The following SPTBN5 variants were observed in gnomAD, a reference collection of about 807,000 sequenced individuals.
The protein encoded by SPTBN5 is spectrin beta chain, non-erythrocytic 5.
In SPTBN5, 513 loss-of-function variants were observed where a neutral mutation model predicts 477.6. The ratio of observed to expected loss-of-function variants is 1.07; its 90% CI spans 1.00 to 1.16. The LOEUF (loss-of-function observed/expected upper bound fraction) is 1.16. Among genes scored for constraint, SPTBN5 ranks in the 50% most tolerant of loss-of-function variants. The probability of loss-of-function intolerance (pLI) is 0.00; values close to 1 mark genes in which losing one functional copy is unlikely to be tolerated. For synonymous variants in SPTBN5, 2,169 were observed against 2,011.7 expected, an observed-to-expected ratio of 1.08 and a Z score of -2.09; for missense variants, 5,062 against 4,731.8, an observed-to-expected ratio of 1.07 and a Z score of -2.05.
Position 41,851,358 on chromosome 15 carries a change from G to C in SPTBN5, c.10668C>G (p.Ser3556Arg). 2.6e-6 allele frequency: 4 copies of C among 1,550,896 alleles called. No individual in the cohort carries two copies. Among genetic ancestry groups the C allele is most frequent in the Non-Finnish European group, 3.5e-6 (4 of 1,146,958 alleles). The change falls in exon 64 of 68, where the codon AGC (serine) becomes AGG (arginine). Residue 3556 changes from serine to arginine, a missense_variant. By Grantham distance (110) the Ser-to-Arg change is moderately radical. Transcript: ENST00000320955. ...LLPGGRQPSS[S>R]SWDSCRGNLQ... ...AGTTCCCGCGGCAGCTGTCCCAGGA[G>C]CTCGAGCTAGGCTGTGGAGAGGAGG...
At position 41,854,671 on chromosome 15, in the gene SPTBN5, G is replaced by A. The variant is rs2065879495; in HGVS notation, c.9618+111C>T. 5.3e-6 allele frequency: 5 copies of A among 940,900 alleles called. No individual in the cohort carries two copies. In the East Asian group the frequency reaches 1.1e-4, roughly 20 times the overall value. 58.3% of individuals were successfully genotyped at this position (940,900 alleles called of 1,614,324 possible). On this transcript the variant is annotated intron_variant, in intron 56 of 67. Transcript: ENST00000320955. ...GAGGGAAAAGGCACATTCACTTGAG[G>A]CCAGCAGGGTGTGTGTCTTGTTGGA...
rs755390433 is a variant in SPTBN5 at position 41,860,743 on chromosome 15, T to C, written c.7831A>G (p.Met2611Val). The change falls in exon 47 of 68, where the codon ATG becomes GTG. Residue 2611 changes from methionine to valine, a missense_variant. Met to Val is a conservative substitution (Grantham distance 21). Coordinates refer to ENST00000320955, the MANE Select transcript of SPTBN5 (RefSeq NM_016642.4). ...TTGTGCTTCCACAGAAGGGGCTCCA[T>C]GGGGGCCAAGGGGTCCTGGTGGGAG... Reference protein sequence around the residue: ...SEGLWDPLAPMEPLLWKHKML... With the variant: ...SEGLWDPLAPVEPLLWKHKML... 5 of 1,593,980 alleles carry C rather than the reference T, an allele frequency of 3.1e-6. No individual in the cohort carries two copies. Among genetic ancestry groups the C allele is most frequent in the Non-Finnish European group, 4.3e-6 (5 of 1,171,112 alleles).
chr15:41,848,700 G>A, intron 67 of SPTBN5, 72 bp from the exon 68 acceptor site: 1 of 1,567,882 alleles, frequency 6.4e-7, no homozygotes, highest in East Asian at 2.2e-5. Context: ...ACACACACTG[G>A]TGCCCCTGCC....
At chr15:41,851,582 G>GGCGGA (rs1449514409) in intron 63 of SPTBN5, among the ~76,000 whole-genome samples, 197 bp downstream of exon 63, 1 of 9,760 alleles carries the variant, frequency 1.0e-4, no homozygotes, top group South Asian at 5.6e-3. Flanking sequence ...AGCACCTCCT[G>GGCGGA]GTGGGGGTGG....
intron 18 of SPTBN5, 50 bp downstream of exon 18, chr15:41,877,066 C>T: frequency 1.2e-6 from 2 of 1,608,346 alleles, no homozygotes; most frequent in Non-Finnish European, 1.7e-6. Context: ...GGGATGAGCT[C>T]CCTCCAGTGA....
rs564140107 is a variant in SPTBN5, at chr15:41,879,327, G to T, written c.3115C>A (p.Gln1039Lys). The T allele has an allele frequency of 5.5e-5, 88 of 1,609,730 alleles. 1 individual carries two copies. The South Asian group carries it at 8.8e-4, about 16-fold the overall frequency. ...GSSEDTCHAL[Q>K]LAQKKTLVLE... ...ACCAGGGTCTTCTTCTGGGCCAGCT[G>T]CAGGGCGTGGCAGGTGTCCTCTGAG... The change falls in exon 16 of 68, where the codon CAG becomes AAG. Residue 1039 changes from glutamine (Q) to lysine (K), a missense_variant. Gln to Lys is a moderately conservative substitution (Grantham distance 53). Coordinates refer to ENST00000320955, the MANE Select transcript of SPTBN5 (RefSeq NM_016642.4).
chr15:41,856,832 C>A (rs1456393615), intron 52 of SPTBN5, 21 bp downstream of exon 52: 1 of 1,532,804 alleles, frequency 6.5e-7, no homozygotes, highest in East Asian at 2.5e-5. Flanking sequence ...CGAGGCCAGC[C>A]CTCCCCGGGT....
chr15:41,861,917 G>T lies in SPTBN5; in HGVS notation c.7555C>A (p.Leu2519Met), dbSNP rs746477411. The change falls in exon 45 of 68, where the codon CTG becomes ATG. Residue 2519 changes from leucine (L) to methionine (M), a missense_variant. Physicochemically the swap from Leu to Met is conservative, Grantham distance 15. Coordinates refer to ENST00000320955, the MANE Select transcript of SPTBN5 (RefSeq NM_016642.4). ...CTGATGCTGTCTGTCCAGGAGTCCAGCTCGGCCTGGAACAGGACTGGGCTC... is the reference window on the plus strand; with the variant it reads ...CTGATGCTGTCTGTCCAGGAGTCCATCTCGGCCTGGAACAGGACTGGGCTC... Reference protein sequence around the residue: ...LEEHQECKAELDSWTDSISLA... With the variant: ...LEEHQECKAEMDSWTDSISLA... 32 of 1,601,374 alleles carry T rather than the reference G, an allele frequency of 2.0e-5. No homozygotes were observed. The highest frequency in any genetic ancestry group is 2.7e-5 in the Non-Finnish European group (32 of 1,177,204).
intron 14 of SPTBN5, 138 bp from the exon 15 acceptor site, chr15:41,880,002 A>AG (rs2066893431): frequency 7.0e-7 from 1 of 1,428,190 alleles, no homozygotes; most frequent in African/African-American, 1.4e-5. Context: ...CAGCCATCCG[A>AG]GTCCTTAAGG....
At position 41,880,145 on chromosome 15, in the gene SPTBN5, C is replaced by T. The variant is rs193045012; in HGVS notation, c.2811+15G>A. The T allele has an allele frequency of 5.0e-3, 7,804 of 1,565,126 alleles. 31 individuals carry two copies. Among genetic ancestry groups the T allele is most frequent in the Non-Finnish European group, 6.0e-3 (6,951 of 1,158,072 alleles). On this transcript the variant is annotated intron_variant, in intron 14 of 67. Transcript: ENST00000320955. The stretch of plus-strand genomic sequence containing the variant: ...GGCAAGGCGAGGAGGAGGTGCCAAG[C>T]TCCCAGGGCTGTACCTCATATTTGA...
At chr15:41,851,513 G>C in intron 63 of SPTBN5, 144 bp from the exon 64 acceptor site, 1 of 657,676 alleles carries the variant, frequency 1.5e-6, no homozygotes, top group Non-Finnish European at 2.6e-6. Context: ...GGAAGCCACA[G>C]AGGGGCTCTG....
At position 41,871,412 on chromosome 15, in the gene SPTBN5, C is replaced by A; in HGVS notation, c.5410G>T (p.Ala1804Ser). The A allele has an allele frequency of 6.5e-7, 1 of 1,535,720 alleles. No individual in the cohort carries two copies. Among genetic ancestry groups the A allele is most frequent in the Non-Finnish European group, 8.8e-7 (1 of 1,139,850 alleles). Residue 1804 changes from alanine (A) to serine (S), a missense_variant, in exon 29 of 68, where the codon GCT becomes TCT. Transcript: ENST00000320955. ...TGCCTCTGACGGACCATGGGGCCAGCACTGTGCCCACGCTCTAGCAGGCTC... is the reference window on the plus strand; with the variant it reads ...TGCCTCTGACGGACCATGGGGCCAGAACTGTGCCCACGCTCTAGCAGGCTC... ...AESLLERGHS[A>S]GPMVRQRQQD...
intron 32 of SPTBN5, 83 bp downstream of exon 32, chr15:41,869,758 G>A (rs2066466257): frequency 2.3e-6 from 3 of 1,319,738 alleles, no homozygotes; most frequent in Middle Eastern, 2.7e-4. Context: ...TCCGGAGCTG[G>A]AGGGCCTCAT....
intron 62 of SPTBN5, 57 bp from the exon 63 acceptor site, chr15:41,851,907 G>A (rs1220711113): frequency 1.1e-5 from 15 of 1,415,556 alleles, no homozygotes; most frequent in Non-Finnish European, 1.4e-5. Flanking sequence ...AGGAAGGTGG[G>A]CAAGGCACCC....
rs1245117423 is a variant in SPTBN5 at position 41,878,560 on chromosome 15, C to T, written c.3252G>A (p.Leu1084=). 6.2e-7 allele frequency: 1 copy of T among 1,612,842 alleles called. No homozygotes were observed. The highest frequency in any genetic ancestry group is 2.2e-5 in the East Asian group (1 of 44,868). The change falls in exon 17 of 68, where the codon CTG becomes CTA. Residue 1084 remains leucine, a synonymous_variant. Coordinates refer to ENST00000320955, the MANE Select transcript of SPTBN5 (RefSeq NM_016642.4). ...QGQVETLQGL[L]KQVQEQVAQR... is the part of the protein sequence containing the mutation. ...GGGCCACTTGTTCCTGTACTTGCTT[C>T]AGCAGCCCCTGCAGTGTCTCCACCT...
Position 41,870,016 on chromosome 15 carries a change from T to C in SPTBN5, c.5678A>G (p.Gln1893Arg). 2.0e-6 allele frequency: 3 copies of C among 1,489,490 alleles called. No homozygotes were observed. Among genetic ancestry groups the C allele is most frequent in the East Asian group, 2.4e-5 (1 of 41,214 alleles). 92.3% of individuals were successfully genotyped at this position (1,489,490 alleles called of 1,614,324 possible). The change falls in exon 32 of 68, where the codon CAG becomes CGG. Residue 1893 changes from glutamine (Q) to arginine (R), a missense_variant. Gln to Arg is a conservative substitution (Grantham distance 43, BLOSUM62 1). Transcript: ENST00000320955. ...RELVGTERQL[Q>R]ELLETAGRVQ... ...CCTGCCTGCAGTCTCCAGCAGTTCCTGCAGCTGCGGGAGGGGCAGGGAATA... is the reference window on the plus strand; with the variant it reads ...CCTGCCTGCAGTCTCCAGCAGTTCCCGCAGCTGCGGGAGGGGCAGGGAATA...
At position 41,886,094 on chromosome 15, in the gene SPTBN5, A is replaced by C; in HGVS notation, c.1161T>G (p.Pro387=). ...LQAQNRRPFL[P]HEGLGLAELS... ...GCTCTGCAAGGCCCAGGCCCTCATG[A>C]GGCAGGAAGGGCCTGCGGTTCTGGG... Residue 387 remains proline (P), a synonymous_variant, in exon 7 of 68, where the codon CCT becomes CCG. Transcript: ENST00000320955. 6.2e-7 allele frequency: 1 copy of C among 1,607,698 alleles called. No individual in the cohort carries two copies. The highest frequency in any genetic ancestry group is 8.5e-7 in the Non-Finnish European group (1 of 1,176,740).
rs370310946 is a variant in SPTBN5 at position 41,876,871 on chromosome 15, C to A, written c.3789G>T (p.Arg1263=). The A allele has an allele frequency of 8.7e-5, 140 of 1,610,412 alleles. No homozygotes were observed. The highest frequency in any genetic ancestry group is 1.2e-4 in the Non-Finnish European group (137 of 1,179,840). Reference sequence around the variant, plus strand: ...CGCCGTGTGCCCGCAGAGCCTCTGCCCGAGGCCCCAGGGTGCTCAGGAGCC... The same window carrying A: ...CGCCGTGTGCCCGCAGAGCCTCTGCACGAGGCCCCAGGGTGCTCAGGAGCC... ...FGRLLSTLGP[R]AEALRAHGEK... is the part of the protein sequence containing the mutation. Residue 1263 remains arginine (R), a synonymous_variant, in exon 19 of 68, where the codon CGG becomes CGT. Transcript: ENST00000320955.
intron 7 of SPTBN5, 49 bp from the exon 8 acceptor site, chr15:41,883,535 A>C: frequency 6.3e-7 from 1 of 1,587,780 alleles, no homozygotes; most frequent in Non-Finnish European, 8.6e-7. Flanking sequence ...GGGGCAGGGA[A>C]GCTACTTCAG....
Sources: allele counts gnomAD v4.1 joint callset (sites outside exome capture counted in the v4.1 genomes callset), GRCh38; gene constraint gnomAD v4.1.1; transcripts MANE v1.5; gene names NCBI Gene and HGNC (gene_info 2026-07-23, HGNC 2026-07-21).